Variants in DAB2IP observed in about 807,000 individuals in gnomAD.
DAB2IP encodes disabled homolog 2-interacting protein.
In DAB2IP, 28 loss-of-function variants were observed where a neutral mutation model predicts 107.2. The observed-to-expected ratio is 0.26, with a 90% CI of 0.19 to 0.36. The LOEUF (loss-of-function observed/expected upper bound fraction) is 0.36. Among genes scored for constraint, DAB2IP ranks in the 10% least tolerant of loss-of-function variants. The pLI is 1.00. For synonymous variants in DAB2IP, 755 were observed against 706.4 expected (o/e 1.07, Z -1.09); for missense variants, 1,400 against 1,644.7 (o/e 0.85, Z 2.57).
In DAB2IP at chr9:121,651,848, C is replaced by G; in HGVS notation, c.73C>G (p.Arg25Gly). 4.1e-6 allele frequency: 6 copies of G among 1,464,958 alleles called. No individual in the cohort carries two copies. Among genetic ancestry groups the G allele is most frequent in the East Asian group, 2.8e-5 (1 of 35,462 alleles). The allele number at this position is 1,464,958 out of a possible 1,614,324, so 90.7% of individuals were successfully genotyped here. ...CTACTACCGGCTGCTGAGGCGGCCC[C>G]GGCTGCAGCGACAGAGGAGCCGCTC... is the stretch of plus-strand genomic sequence containing the variant. The change falls in exon 1 of 16, where the codon CGG becomes GGG. Residue 25 changes from arginine to glycine, a missense_variant. Transcript: ENST00000408936. This position sits in a 1 kb window ranked among gnomAD's most constrained non-coding sequence, Gnocchi z 5.1.
At chr9:121,768,734 G>A (rs1272616168) in intron 10 of DAB2IP, 101 bp downstream of exon 10, 5 of 1,469,126 alleles carry the variant, frequency 3.4e-6, no homozygotes, top group Non-Finnish European at 4.6e-6. Context: ...GTTTGCCCAA[G>A]TGGCATGATC....
chr9:121,585,688 T>C lies in DAB2IP; in HGVS notation c.40+18460T>C, dbSNP rs150837685. 3.5e-3 allele frequency among the ~76,000 whole-genome samples: 528 copies of C among 152,144 alleles called. 5 individuals carry two copies. The highest frequency in any genetic ancestry group is 0.012 in the African/African-American group (494 of 41,504). Reference sequence around the variant, plus strand: ...GCCAGGGCAGCAAGATCCCTGTCTCTACAAAAAAATACAAAAATTAGCCAG... The same window carrying C: ...GCCAGGGCAGCAAGATCCCTGTCTCCACAAAAAAATACAAAAATTAGCCAG... On this transcript the variant is annotated intron_variant, in intron 1 of 16. Coordinates refer to the DAB2IP transcript ENST00000259371.
chr9:121,774,542 C>T, intron 13 of DAB2IP, 130 bp downstream of exon 13: 1 of 1,068,216 alleles, frequency 9.4e-7, no homozygotes, highest in Non-Finnish European at 1.3e-6. Context: ...ACCTCTGAGC[C>T]CCTGTTCCCT....
chr9:121,712,598 C>G (rs1830388868), intron 3 of DAB2IP, among the ~76,000 whole-genome samples: 1 of 152,142 alleles, frequency 6.6e-6, no homozygotes, highest in Non-Finnish European at 1.5e-5. Flanking sequence ...GACGCATGGC[C>G]TTGTCTCCCT....
chr9:121,600,283 G>T (rs764074317), intron 1 of DAB2IP, among the ~76,000 whole-genome samples: 2 of 152,144 alleles, frequency 1.3e-5, no homozygotes, highest in Non-Finnish European at 2.9e-5. Context: ...TTCAATCCTG[G>T]CCAATCCTAA....
intron 1 of DAB2IP, among the ~76,000 whole-genome samples, chr9:121,645,548 C>G (rs1206218020): frequency 6.6e-6 from 1 of 152,228 alleles, no homozygotes; most frequent in African/African-American, 2.4e-5. Context: ...GAGTCGCTCC[C>G]TCCCTTGGTC....
chr9:121,625,904 A>G (rs1009941855), intron 1 of DAB2IP, among the ~76,000 whole-genome samples: 2 of 152,182 alleles, frequency 1.3e-5, no homozygotes, highest in African/African-American at 2.4e-5. Flanking sequence ...CCAATAGGAC[A>G]GTGTGGGCTG....
intron 1 of DAB2IP, among the ~76,000 whole-genome samples, chr9:121,625,343 G>A (rs565196711): frequency 1.8e-4 from 28 of 151,566 alleles, no homozygotes; most frequent in African/African-American, 5.8e-4. Context: ...GGGTTTAAGC[G>A]ATTCTTGCGC....
intron 1 of DAB2IP, among the ~76,000 whole-genome samples, chr9:121,632,724 C>T (rs1831940566): frequency 6.6e-6 from 1 of 152,250 alleles, no homozygotes; most frequent in Non-Finnish European, 1.5e-5. Flanking sequence ...ATGAGACAGG[C>T]CTCAGAGAGT....
At chr9:121,675,521 A>AC (rs1833865743) in intron 1 of DAB2IP, among the ~76,000 whole-genome samples, 2 of 152,040 alleles carry the variant, frequency 1.3e-5, no homozygotes, top group African/African-American at 4.8e-5. Context: ...AGGTGGCTGA[A>AC]CCCGGGGGTC....
At chr9:121,602,649 C>T (rs1384971349) in intron 1 of DAB2IP, among the ~76,000 whole-genome samples, 1 of 152,192 alleles carries the variant, frequency 6.6e-6, no homozygotes, top group African/African-American at 2.4e-5. Context: ...GATCTCGGCT[C>T]ACTGCAAGCT....
At chr9:121,697,435 A>G (rs1293880332) in intron 2 of DAB2IP, among the ~76,000 whole-genome samples, 1 of 152,184 alleles carries the variant, frequency 6.6e-6, no homozygotes, top group African/African-American at 2.4e-5. Context: ...CCCCTCTCCT[A>G]TAGCTGGCAA....
chr9:121,763,386 G>C, intron 6 of DAB2IP, 119 bp from the exon 7 acceptor site: 33 of 1,395,314 alleles, frequency 2.4e-5, no homozygotes, highest in Non-Finnish European at 3.1e-5. Flanking sequence ...CGGGACCCCC[G>C]CAGCTTGGTG....
At chr9:121,744,954 A>C (rs1292062289) in intron 3 of DAB2IP, among the ~76,000 whole-genome samples, 1 of 152,184 alleles carries the variant, frequency 6.6e-6, no homozygotes, top group Admixed American at 6.5e-5. Context: ...AGGGCCAAGC[A>C]GGGCTGGCAT....
intron 1 of DAB2IP, among the ~76,000 whole-genome samples, chr9:121,614,114 C>T (rs535469676): frequency 6.6e-6 from 1 of 152,272 alleles, no homozygotes; most frequent in Non-Finnish European, 1.5e-5. Flanking sequence ...TACAAGATAA[C>T]CGGCTTCATA....
chr9:121,724,912 A>G (rs1831146982), intron 3 of DAB2IP, among the ~76,000 whole-genome samples: 1 of 152,074 alleles, frequency 6.6e-6, no homozygotes, highest in African/African-American at 2.4e-5. Context: ...GGTGAGGCCA[A>G]GGAGGGGGTG....
intron 14 of DAB2IP, 78 bp from the exon 15 acceptor site, chr9:121,781,386 G>A: frequency 7.2e-7 from 1 of 1,384,128 alleles, no homozygotes; most frequent in Non-Finnish European, 1.0e-6. Context: ...GTGTGCGGGG[G>A]TGATGGGCTT....
exon 16 of DAB2IP, chr9:121,783,555 C>A (rs1184380660): frequency 1.9e-6 from 3 of 1,613,936 alleles, no homozygotes; most frequent in Non-Finnish European, 2.5e-6. Context: ...GAAACAAAAG[C>A]CCGCTTGCTC....
chr9:121,613,743 T>C (rs1831170357), intron 1 of DAB2IP, among the ~76,000 whole-genome samples: 1 of 152,184 alleles, frequency 6.6e-6, no homozygotes, highest in Non-Finnish European at 1.5e-5. Context: ...ACAGAACAAA[T>C]GACCTGTGCA....
Sources: allele counts gnomAD v4.1 joint callset (sites outside exome capture counted in the v4.1 genomes callset), GRCh38; gene constraint gnomAD v4.1.1; non-coding constraint Gnocchi (gnomAD v3.1); transcripts MANE v1.5; gene names NCBI Gene and HGNC (gene_info 2026-07-23, HGNC 2026-07-21).